The following PAWR variants were observed in gnomAD, a reference collection of about 807,000 sequenced individuals.
PAWR encodes pro-apoptotic WT1 regulator.
Under a neutral mutation model 32.0 loss-of-function variants are expected in PAWR, and 23 were observed. The ratio of observed to expected loss-of-function variants is 0.72; its 90% CI spans 0.52 to 1.02. PAWR has a LOEUF of 1.02. Among genes scored for constraint, PAWR ranks in the 50% least tolerant of loss-of-function variants. The probability of loss-of-function intolerance (pLI) is 0.00; values close to 1 mark genes in which losing one functional copy is unlikely to be tolerated. For missense variants in PAWR, 457 were observed against 437.7 expected (o/e 1.04, Z -0.39); for synonymous variants, 226 against 187.1 (o/e 1.21, Z -1.70).
intron 2 of PAWR, among the ~76,000 whole-genome samples, chr12:79,645,218 A>C (rs1211019712): frequency 1.3e-5 from 2 of 152,194 alleles, no homozygotes; most frequent in Non-Finnish European, 2.9e-5. Flanking sequence ...AAGAATTCAT[A>C]TATTATTTAT....
At position 79,689,969 on chromosome 12, in the gene PAWR, C is replaced by A. The variant is rs952747497; in HGVS notation, c.276G>T (p.Ala92=). The A allele has an allele frequency of 4.4e-6, 6 of 1,367,372 alleles. No homozygotes were observed. The highest frequency in any genetic ancestry group is 3.1e-5 in the African/African-American group (2 of 64,818). 84.7% of individuals were successfully genotyped at this position (1,367,372 alleles called of 1,614,324 possible). ...AVPGPGGVNC[A]VGSAMLTRAA... is the part of the protein sequence containing the mutation. The stretch of plus-strand genomic sequence containing the variant: ...CCCGCGTCAGCATGGCGGAGCCGAC[C>A]GCGCAGTTCACGCCCCCGGGACCGG... The change falls in exon 2 of 7, where the codon GCG becomes GCT. Residue 92 remains alanine, a synonymous_variant. Coordinates refer to ENST00000328827, the MANE Select transcript of PAWR (RefSeq NM_002583.4).
intron 2 of PAWR, among the ~76,000 whole-genome samples, chr12:79,631,660 T>C (rs1031837092): frequency 1.3e-5 from 2 of 152,092 alleles, no homozygotes; most frequent in East Asian, 3.9e-4. Context: ...AAATATGCTA[T>C]GTTAGGGGAT....
chr12:79,599,618 T>C (rs2136677979), intron 4 of PAWR, among the ~76,000 whole-genome samples: 1 of 152,346 alleles, frequency 6.6e-6, no homozygotes, highest in East Asian at 1.9e-4. Context: ...AAATTGTTAC[T>C]TCCTATGTTA....
intron 2 of PAWR, among the ~76,000 whole-genome samples, chr12:79,657,883 G>A (rs1474827885): frequency 2.0e-5 from 3 of 152,072 alleles, no homozygotes; most frequent in Admixed American, 1.3e-4. Flanking sequence ...GATTATGAAG[G>A]AATGTCCAAA....
At chr12:79,684,653 TAGTA>T (rs1308518443) in intron 2 of PAWR, among the ~76,000 whole-genome samples, 1 of 151,470 alleles carries the variant, frequency 6.6e-6, no homozygotes, top group Non-Finnish European at 1.5e-5. Context: ...ACAAAGAAAA[TAGTA>T]TAAACAGGCC....
At chr12:79,636,503 A>C (rs1190236760) in intron 2 of PAWR, among the ~76,000 whole-genome samples, 2 of 152,130 alleles carry the variant, frequency 1.3e-5, no homozygotes, top group Admixed American at 1.3e-4. Context: ...CAATGTTAAA[A>C]ATTTCAACAT....
At chr12:79,627,346 A>G (rs1391538474) in intron 2 of PAWR, among the ~76,000 whole-genome samples, 2 of 152,098 alleles carry the variant, frequency 1.3e-5, no homozygotes, top group African/African-American at 4.8e-5. Context: ...GCCAGTGATG[A>G]TGAGCATTTT....
intron 2 of PAWR, among the ~76,000 whole-genome samples, chr12:79,665,669 T>G (rs1041216915): frequency 6.6e-6 from 1 of 152,214 alleles, no homozygotes. Context: ...TTACTTACAC[T>G]ACTCTGATAT....
chr12:79,669,143 G>A (rs192501311), intron 2 of PAWR, among the ~76,000 whole-genome samples: 1 of 152,308 alleles, frequency 6.6e-6, no homozygotes, highest in Non-Finnish European at 1.5e-5. Context: ...AGCCCTAAAA[G>A]TTACTGGCAT....
intron 2 of PAWR, among the ~76,000 whole-genome samples, chr12:79,646,973 A>C (rs1010329804): frequency 1.3e-5 from 2 of 151,924 alleles, no homozygotes; most frequent in Non-Finnish European, 2.9e-5. Flanking sequence ...GTCAAGAGAT[A>C]GAGACCATCC....
intron 4 of PAWR, chr12:79,603,677 TTTTTTTTTTTTTTTTTG>T (rs1874052378): frequency 7.2e-6 from 1 of 139,234 alleles, no homozygotes; most frequent in African/African-American, 2.6e-5. Context: ...ATTTTTTTTT[TTTTTTTTTTTTTTTTTG>T]GAGACAGAGT....
intron 2 of PAWR, among the ~76,000 whole-genome samples, chr12:79,643,794 G>C (rs1876443905): frequency 2.0e-5 from 3 of 152,140 alleles, no homozygotes; most frequent in African/African-American, 7.2e-5. Flanking sequence ...ACACTTACCT[G>C]CTATTTTTCA....
chr12:79,645,068 A>ACACACACC (rs1555175769), intron 2 of PAWR, among the ~76,000 whole-genome samples: 164 of 151,346 alleles, frequency 1.1e-3, no homozygotes, highest in African/African-American at 3.7e-3. Context: ...ACACACACAC[A>ACACACACC]AAAATCAATG....
intron 2 of PAWR, among the ~76,000 whole-genome samples, chr12:79,638,902 T>A (rs370048387): frequency 0.036 from 602 of 16,760 alleles, no homozygotes; most frequent in African/African-American, 0.056. Context: ...ATATATTTTT[T>A]TTTTTTTTTT....
intron 2 of PAWR, among the ~76,000 whole-genome samples, chr12:79,677,306 A>G (rs750065842): frequency 6.6e-6 from 1 of 152,224 alleles, no homozygotes; most frequent in Non-Finnish European, 1.5e-5. Flanking sequence ...GGATAAATAC[A>G]TTTATTTTGT....
intron 2 of PAWR, among the ~76,000 whole-genome samples, chr12:79,657,444 A>G (rs1010720605): frequency 1.1e-4 from 16 of 152,064 alleles, no homozygotes; most frequent in African/African-American, 3.6e-4. Flanking sequence ...CTATCAGGAT[A>G]CATATAGTAA....
At chr12:79,614,896 GCTAGGAGA>G (rs1037898246) in intron 3 of PAWR, among the ~76,000 whole-genome samples, 29 of 152,216 alleles carry the variant, frequency 1.9e-4, no homozygotes, top group Admixed American at 4.6e-4. Context: ...CTACTCCGTA[GCTAGGAGA>G]CTAGGAGACT....
rs544366167 is a variant in PAWR at position 79,633,158 on chromosome 12, A to G, written c.517-11951T>C. Among the ~76,000 whole-genome samples, 40 of 152,198 alleles carry G rather than the reference A, an allele frequency of 2.6e-4. No homozygotes were observed. The Middle Eastern group carries it at 0.01, about 39-fold the overall frequency. On this transcript the variant is annotated intron_variant, in intron 2 of 6. Coordinates refer to ENST00000328827, the MANE Select transcript of PAWR (RefSeq NM_002583.4). ...ACAAACAAACAAACAAAAAACAAAA[A>G]AACTATCAAAATTAAAAACTTTTGC...
intron 2 of PAWR, among the ~76,000 whole-genome samples, chr12:79,674,207 A>G (rs1878045612): frequency 6.6e-6 from 1 of 152,142 alleles, no homozygotes. Context: ...AAACAGACAC[A>G]TGGACCAATG....
Sources: gnomAD v4.1 joint callset for allele counts (sites outside exome capture counted in the v4.1 genomes callset) on GRCh38, gnomAD v4.1.1 for gene constraint, MANE v1.5 for transcripts, NCBI Gene and HGNC (gene_info 2026-07-23, HGNC 2026-07-21) for gene names.